Variants in SLC8A1 observed in about 807,000 individuals in gnomAD.
SLC8A1 encodes sodium/calcium exchanger 1.
SLC8A1 carries 18 observed loss-of-function variants against 68.3 expected under a neutral mutation model. That is an observed-to-expected ratio of 0.26 (90% CI 0.18 to 0.39). The LOEUF (loss-of-function observed/expected upper bound fraction) is 0.39. Among genes scored for constraint, SLC8A1 ranks in the 10% least tolerant of loss-of-function variants. The pLI, the probability that SLC8A1 is intolerant of heterozygous loss-of-function variation, is 1.00. For missense variants in SLC8A1, 985 were observed against 1,156.7 expected (o/e 0.85, Z 2.15); for synonymous variants, 475 against 415.5 (o/e 1.14, Z -1.74).
chr2:40,335,148 G>C (rs1305045114), intron 2 of SLC8A1, among the ~76,000 whole-genome samples: 1 of 152,156 alleles, frequency 6.6e-6, no homozygotes, highest in East Asian at 1.9e-4. Flanking sequence ...ATATGGATAT[G>C]ATATAGATAT....
intron 4 of SLC8A1, 66 bp from the exon 8 acceptor site, chr2:40,165,050 G>T: frequency 6.3e-7 from 1 of 1,597,366 alleles, no homozygotes; most frequent in Non-Finnish European, 8.5e-7. Context: ...CCTGGATCCT[G>T]CCATAAGAAA....
At chr2:40,429,329 C>T (rs1362785072) in exon 2 of SLC8A1, 3 of 1,613,902 alleles carry the variant, frequency 1.9e-6, no homozygotes, top group Non-Finnish European at 8.5e-7. Flanking sequence ...TCTTCATCAT[C>T]TTGGTCCCTC....
chr2:40,409,930 A>T (rs934105568), intron 2 of SLC8A1, among the ~76,000 whole-genome samples: 2 of 152,046 alleles, frequency 1.3e-5, no homozygotes, highest in Admixed American at 1.3e-4. Context: ...CCCTGCCCCA[A>T]CAAAACTGGA....
intron 2 of SLC8A1, chr2:40,254,670 C>T (rs1248574176): frequency 1.3e-5 from 2 of 152,172 alleles, no homozygotes; most frequent in African/African-American, 4.8e-5. Flanking sequence ...GGTAATGCCA[C>T]TCTAATGCTG....
In SLC8A1 at chr2:40,177,453, C is replaced by T. The variant is rs143148565; in HGVS notation, c.1912+299G>A. 2.2e-3 allele frequency among the ~76,000 whole-genome samples: 337 copies of T among 152,168 alleles called. 1 individual carries two copies. Among genetic ancestry groups the T allele is most frequent in the African/African-American group, 7.7e-3 (319 of 41,502 alleles). On this transcript the variant is annotated intron_variant, in intron 3 of 7. Transcript: ENST00000406785. ...ATTGGAGTGACATTTTAGAATAAAC[C>T]GTGAGTAGTGAAAAACTAAACACAT... is the stretch of plus-strand genomic sequence containing the variant.
intron 2 of SLC8A1, among the ~76,000 whole-genome samples, chr2:40,387,569 G>C (rs992365722): frequency 4.0e-5 from 6 of 151,334 alleles, no homozygotes; most frequent in Admixed American, 3.9e-4. Context: ...CATCCTAGAC[G>C]TTATAGCTAT....
intron 7 of SLC8A1, among the ~76,000 whole-genome samples, chr2:40,135,768 A>G (rs2040392377): frequency 6.6e-6 from 1 of 152,102 alleles, no homozygotes; most frequent in Non-Finnish European, 1.5e-5. Flanking sequence ...ACCTTTGACC[A>G]TGGGGAGGAG....
At chr2:40,478,692 T>C (rs973205371) in intron 1 of SLC8A1, among the ~76,000 whole-genome samples, 2 of 152,166 alleles carry the variant, frequency 1.3e-5, no homozygotes, top group Non-Finnish European at 2.9e-5. Flanking sequence ...ATTTGACTTT[T>C]ATACTTTGAT....
exon 2 of SLC8A1, chr2:40,428,665 A>G: frequency 1.2e-6 from 2 of 1,613,820 alleles, no homozygotes; most frequent in Non-Finnish European, 1.7e-6. Flanking sequence ...AAAAGTAAAA[A>G]TGCCTGCGTG....
intron 2 of SLC8A1, among the ~76,000 whole-genome samples, chr2:40,297,015 GT>G (rs1398574477): frequency 1.3e-5 from 2 of 151,970 alleles, no homozygotes. Flanking sequence ...CTACATCTGG[GT>G]CATGTGACTA....
chr2:40,196,648 T>C lies in SLC8A1; in HGVS notation c.1809-18793A>G, dbSNP rs372884947. Among the ~76,000 whole-genome samples the C allele has an allele frequency of 4.6e-4, 70 of 152,170 alleles. No individual in the cohort carries two copies. The Middle Eastern group carries it at 0.017, about 37-fold the overall frequency. ...AATTGGTGTTAGGGAAATATTCTAC[T>C]AGACCTGCACCTACTCCCAGGTTAA... On this transcript the variant is annotated intron_variant, in intron 2 of 7. Transcript: ENST00000406785.
chr2:40,305,672 T>C (rs2072440200), intron 2 of SLC8A1, among the ~76,000 whole-genome samples: 1 of 152,172 alleles, frequency 6.6e-6, no homozygotes, highest in Admixed American at 6.5e-5. Flanking sequence ...TCTGACTGTC[T>C]AATAGAAAAG....
At chr2:40,231,961 A>T (rs1467190990) in intron 2 of SLC8A1, among the ~76,000 whole-genome samples, 1 of 152,168 alleles carries the variant, frequency 6.6e-6, no homozygotes, top group African/African-American at 2.4e-5. Context: ...TGGAGGTGTG[A>T]GAGCAAATAG....
chr2:40,244,897 G>C (rs1219971381), intron 2 of SLC8A1, among the ~76,000 whole-genome samples: 1 of 152,150 alleles, frequency 6.6e-6, no homozygotes, highest in African/African-American at 2.4e-5. Context: ...ATGTCTGGGG[G>C]ATAAGTCCCA....
chr2:40,162,934 G>A (rs1009478430), intron 5 of SLC8A1, among the ~76,000 whole-genome samples: 2 of 152,128 alleles, frequency 1.3e-5, no homozygotes, highest in African/African-American at 2.4e-5. Context: ...GGAGCTCTGA[G>A]TAAGTTCTTT....
intron 2 of SLC8A1, among the ~76,000 whole-genome samples, chr2:40,300,515 G>A (rs747409225): frequency 5.9e-5 from 9 of 152,000 alleles, no homozygotes; most frequent in Non-Finnish European, 8.8e-5. Context: ...GTATTGTTTC[G>A]TGCCTCAGCG....
At chr2:40,311,848 C>A (rs148677780) in intron 2 of SLC8A1, among the ~76,000 whole-genome samples, 2 of 151,848 alleles carry the variant, frequency 1.3e-5, no homozygotes, top group Non-Finnish European at 1.5e-5. Flanking sequence ...ATTTTAGAAT[C>A]GATAACAAAA....
In SLC8A1 at chr2:40,305,942, T is replaced by C. The variant is rs1375209702; in HGVS notation, c.1808+122531A>G. ...GAGGAGCATTGTACATATTACTTGG[T>C]AAATGAATTCAAGCAGGATGGTGCA... On this transcript the variant is annotated intron_variant, in intron 2 of 7. Coordinates refer to ENST00000406785, the Ensembl canonical transcript of SLC8A1. Among the ~76,000 whole-genome samples the C allele has an allele frequency of 2.0e-5, 3 of 152,192 alleles. No homozygotes were observed. The East Asian group carries it at 5.8e-4, about 29-fold the overall frequency.
intron 2 of SLC8A1, among the ~76,000 whole-genome samples, chr2:40,312,928 A>T (rs1272446988): frequency 6.6e-6 from 1 of 152,082 alleles, no homozygotes; most frequent in Non-Finnish European, 1.5e-5. Context: ...CAATGCGATA[A>T]ATCTAATGGG....
Sources: allele counts gnomAD v4.1 joint callset (sites outside exome capture counted in the v4.1 genomes callset), GRCh38; gene constraint gnomAD v4.1.1; transcripts MANE v1.5; gene names NCBI Gene and HGNC (gene_info 2026-07-23, HGNC 2026-07-21).